The following INO80 variants were observed in gnomAD, a reference collection of about 807,000 sequenced individuals.
The protein encoded by INO80 is INO80 complex ATPase subunit.
A neutral mutation model predicts 203.4 loss-of-function variants in INO80; 20 were observed. The observed-to-expected ratio is 0.10, with a 90% CI of 0.07 to 0.14. The LOEUF (loss-of-function observed/expected upper bound fraction) is 0.14. INO80 is among the 10% of genes least tolerant of loss of function. The pLI, the probability that INO80 is intolerant of heterozygous loss-of-function variation, is 1.00. For missense variants in INO80, 1,419 were observed against 1,914.4 expected (o/e 0.74, Z 4.83); for synonymous variants, 726 against 685.2 (o/e 1.06, Z -0.93).
intron 14 of INO80, 84 bp from the exon 15 acceptor site, chr15:41,060,010 A>G: frequency 1.1e-6 from 1 of 928,752 alleles, no homozygotes; most frequent in Non-Finnish European, 1.6e-6. Flanking sequence ...GAACAATTTA[A>G]AAAGAAACTA....
intron 11 of INO80, 130 bp from the exon 12 acceptor site, chr15:41,072,188 C>G: frequency 1.7e-6 from 1 of 593,762 alleles, no homozygotes; most frequent in Non-Finnish European, 2.9e-6. Context: ...TTCTCATAAT[C>G]TGATAATATA....
Position 41,044,259 on chromosome 15 carries a change from A to G in INO80, c.2907+645T>C, listed in dbSNP as rs1596286905. Among the ~76,000 whole-genome samples, 5 of 152,368 alleles carry G rather than the reference A, an allele frequency of 3.3e-5. No homozygotes were observed. The Middle Eastern group carries it at 0.014, about 415-fold the overall frequency. On this transcript the variant is annotated intron_variant, in intron 24 of 35. Transcript: ENST00000648947. ...AAATAACATGTAGACAAATGTGCAT[A>G]GGGGTTTTATTCATAATAGCCTAGA...
intron 16 of INO80, among the ~76,000 whole-genome samples, chr15:41,057,461 CAA>C (rs34940669): frequency 9.7e-4 from 114 of 117,788 alleles, no homozygotes; most frequent in Admixed American, 1.1e-3. Flanking sequence ...TCCCCTGTCT[CAA>C]AAAAAAAAAA....
At chr15:41,082,846 T>C (rs1372982592) in intron 7 of INO80, among the ~76,000 whole-genome samples, 1 of 152,086 alleles carries the variant, frequency 6.6e-6, no homozygotes, top group Non-Finnish European at 1.5e-5. Flanking sequence ...ATGAGTCCAC[T>C]GCACTCCAGC....
chr15:41,045,195 A>T, intron 23 of INO80, 120 bp from the exon 24 acceptor site: 1 of 745,466 alleles, frequency 1.3e-6, no homozygotes, highest in East Asian at 2.9e-5. Flanking sequence ...ATCATTTTAG[A>T]AACAGTTCTT....
At position 40,982,862 on chromosome 15, in the gene INO80, C is replaced by A; in HGVS notation, c.4453G>T (p.Gly1485Ter). 1 of 1,611,924 alleles carries A rather than the reference C, an allele frequency of 6.2e-7. No individual in the cohort carries two copies. Among genetic ancestry groups the A allele is most frequent in the Non-Finnish European group, 8.5e-7 (1 of 1,179,322 alleles). ...CTGCAGCCACCCTGGGCTTCTGTAC[C>A]TTTAGACACGTTGTACCCGTATGCG... ...YAAYGYNVSK[G>*]ISASSPLQTS... Residue 1485 changes from glycine to a stop codon, truncating the protein, a stop_gained and splice_region_variant, in exon 35 of 36, where the codon GGA becomes TGA. Coordinates refer to ENST00000648947, the MANE Select transcript of INO80 (RefSeq NM_017553.3). LOFTEE classifies it high-confidence loss of function.
intron 10 of INO80, 61 bp from the exon 11 acceptor site, chr15:41,073,556 T>TTG: frequency 1.6e-6 from 2 of 1,273,408 alleles, no homozygotes; most frequent in Non-Finnish European, 2.3e-6. Flanking sequence ...TAAGATACAA[T>TTG]TAACACCAAT....
intron 16 of INO80, 152 bp from the exon 17 acceptor site, chr15:41,056,858 A>G: frequency 1.6e-6 from 1 of 623,950 alleles, no homozygotes; most frequent in Non-Finnish European, 2.8e-6. Context: ...ACATTATTCA[A>G]CAAAGCTGAA....
chr15:41,107,253 C>A (rs73401004), intron 1 of INO80, among the ~76,000 whole-genome samples: 9,941 of 152,262 alleles, frequency 0.065, 952 homozygotes, highest in African/African-American at 0.21. Context: ...TTCAGGAGGC[C>A]AAGGCAGGCG....
chr15:41,008,994 G>C (rs1236022913), intron 27 of INO80, among the ~76,000 whole-genome samples: 2 of 152,096 alleles, frequency 1.3e-5, no homozygotes, highest in Non-Finnish European at 2.9e-5. Context: ...CACCATGCCT[G>C]GCTAAGTTTG....
chr15:41,067,526 T>C (rs1381342584), intron 14 of INO80, among the ~76,000 whole-genome samples: 1 of 152,168 alleles, frequency 6.6e-6, no homozygotes, highest in Non-Finnish European at 1.5e-5. Flanking sequence ...CTCATCATCA[T>C]CTCAGCAAGA....
intron 35 of INO80, among the ~76,000 whole-genome samples, chr15:40,980,726 C>T (rs1355767365): frequency 6.6e-6 from 1 of 152,220 alleles, no homozygotes; most frequent in East Asian, 1.9e-4. Context: ...AGATAGAGCA[C>T]ACATTTTACA....
In INO80 at chr15:40,983,133, G is replaced by A. The variant is rs1481060632; in HGVS notation, c.4238-56C>T. ...AAAAAAAAAAAAAGTCAATCTCCAA[G>A]ATGTTAACATCACCTTCTCCTGACA... On this transcript the variant is annotated intron_variant, in intron 34 of 35. Transcript: ENST00000648947. The A allele has an allele frequency of 2.9e-6, 4 of 1,396,376 alleles. No homozygotes were observed. In the East Asian group the frequency reaches 7.1e-5, roughly 25 times the overall value. The allele number at this position is 1,396,376 out of a possible 1,614,324, so 86.5% of individuals were successfully genotyped here. A position where few individuals can be genotyped will look rare whatever the true frequency, so the allele number is the denominator to read the frequency against.
intron 23 of INO80, among the ~76,000 whole-genome samples, chr15:41,046,542 T>C (rs1473980716): frequency 1.3e-5 from 2 of 150,270 alleles, no homozygotes; most frequent in African/African-American, 4.9e-5. Context: ...AGATATATTA[T>C]GAAGCATCAT....
At chr15:41,000,896 G>A (rs1285347522) in intron 28 of INO80, among the ~76,000 whole-genome samples, 1 of 151,894 alleles carries the variant, frequency 6.6e-6, no homozygotes, top group Non-Finnish European at 1.5e-5. Context: ...AAATACAATG[G>A]TTTCTTTTGG....
At chr15:41,115,445 A>G (rs1006466813) in intron 1 of INO80, among the ~76,000 whole-genome samples, 1 of 152,244 alleles carries the variant, frequency 6.6e-6, no homozygotes, top group African/African-American at 2.4e-5. Flanking sequence ...TGCAGGTGTC[A>G]GCCTGCCCCC....
At chr15:40,995,917 C>A (rs2043874908) in intron 29 of INO80, among the ~76,000 whole-genome samples, 1 of 152,200 alleles carries the variant, frequency 6.6e-6, no homozygotes, top group Non-Finnish European at 1.5e-5. Flanking sequence ...AGCTACCCAG[C>A]AATGCCTCCA....
chr15:41,079,931 G>T, intron 8 of INO80, 27 bp from the exon 9 acceptor site: 3 of 1,603,206 alleles, frequency 1.9e-6, no homozygotes, highest in Non-Finnish European at 2.6e-6. Flanking sequence ...CATTACAGCG[G>T]AAAGGACCCC....
At chr15:41,052,509 G>GA (rs1176854152) in intron 19 of INO80, among the ~76,000 whole-genome samples, 3 of 150,554 alleles carry the variant, frequency 2.0e-5, no homozygotes, top group Admixed American at 6.6e-5. Flanking sequence ...CCTGTCTCTA[G>GA]AAAAAAATGA....
Sources: gnomAD v4.1 joint callset for allele counts (sites outside exome capture counted in the v4.1 genomes callset) on GRCh38, gnomAD v4.1.1 for gene constraint, MANE v1.5 for transcripts, NCBI Gene and HGNC (gene_info 2026-07-23, HGNC 2026-07-21) for gene names.